ARPP21: variants seen among roughly 807,000 people sequenced by gnomAD.
The protein encoded by ARPP21 is cAMP regulated phosphoprotein 21, also known as cAMP-regulated phosphoprotein 21.
ARPP21 carries 69 observed loss-of-function variants against 113.2 expected under a neutral mutation model. The ratio of observed to expected loss-of-function variants is 0.61; its 90% CI spans 0.50 to 0.74. The LOEUF (loss-of-function observed/expected upper bound fraction) is 0.74. Among genes scored for constraint, ARPP21 ranks in the 30% least tolerant of loss-of-function variants. ARPP21 has a pLI of 0.00. For missense variants in ARPP21, 1,070 were observed against 1,037.4 expected (o/e 1.03, Z -0.43); for synonymous variants, 368 against 375.5 (o/e 0.98, Z 0.23).
chr3:35,786,278 C>T (rs1412572470), intron 19 of ARPP21, among the ~76,000 whole-genome samples: 3 of 152,094 alleles, frequency 2.0e-5, no homozygotes, highest in African/African-American at 7.2e-5. Context: ...AATCCCGGCA[C>T]TTTGGGAGGC....
chr3:35,719,953 G>A (rs1350899900), intron 13 of ARPP21, among the ~76,000 whole-genome samples: 1 of 152,136 alleles, frequency 6.6e-6, no homozygotes, highest in Non-Finnish European at 1.5e-5. Flanking sequence ...AATCAGAAAT[G>A]GAATAGCAAG....
intron 19 of ARPP21, among the ~76,000 whole-genome samples, chr3:35,767,997 A>T (rs2096047573): frequency 6.6e-6 from 1 of 151,554 alleles, no homozygotes; most frequent in South Asian, 2.1e-4. Flanking sequence ...CTCTATCAAC[A>T]ACTTCCTTGC....
At chr3:35,687,114 T>G (rs2080852309) in intron 5 of ARPP21, among the ~76,000 whole-genome samples, 1 of 151,272 alleles carries the variant, frequency 6.6e-6, no homozygotes, top group South Asian at 2.1e-4. Flanking sequence ...TTGTAACTAT[T>G]CATTATAATG....
rs2085903615 is a variant in ARPP21 at position 35,700,409 on chromosome 3, G to T, written c.687-6565G>T. Among the ~76,000 whole-genome samples, 3 of 151,620 alleles carry T rather than the reference G, an allele frequency of 2.0e-5. No individual in the cohort carries two copies. The South Asian group carries it at 6.2e-4, about 31-fold the overall frequency. On this transcript the variant is annotated intron_variant, in intron 9 of 20. Coordinates refer to ENST00000684406, the MANE Select transcript of ARPP21 (RefSeq NM_001385562.1). ...AAGAAATTAGGTTATGTATTAAAAT[G>T]CAATGGTTGTTTTAAGGGAGTGGAG...
chr3:35,760,026 A>G (rs2095710329), intron 19 of ARPP21, among the ~76,000 whole-genome samples: 1 of 152,072 alleles, frequency 6.6e-6, no homozygotes, highest in Admixed American at 6.6e-5. Flanking sequence ...GAATTGCAGT[A>G]TACCTTCAGG....
intron 1 of ARPP21, among the ~76,000 whole-genome samples, chr3:35,668,610 C>T (rs893082829): frequency 2.0e-5 from 3 of 152,154 alleles, no homozygotes; most frequent in Non-Finnish European, 2.9e-5. Flanking sequence ...TGGGATCTGC[C>T]GTTTTTACAT....
chr3:35,667,830 C>A (rs2074789901), intron 1 of ARPP21, among the ~76,000 whole-genome samples: 1 of 88,362 alleles, frequency 1.1e-5, no homozygotes, highest in Non-Finnish European at 2.2e-5. Flanking sequence ...ACCTGCAGTA[C>A]TTTTATTCTC....
At chr3:35,662,928 T>A (rs1015797146) in intron 1 of ARPP21, among the ~76,000 whole-genome samples, 1 of 151,922 alleles carries the variant, frequency 6.6e-6, no homozygotes, top group Admixed American at 6.6e-5. Flanking sequence ...GTGAGTGGCA[T>A]AGGGAAGAAA....
At chr3:35,761,223 ACTGT>A (rs2095763015) in intron 19 of ARPP21, among the ~76,000 whole-genome samples, 2 of 152,110 alleles carry the variant, frequency 1.3e-5, no homozygotes, top group South Asian at 2.1e-4. Flanking sequence ...TGTCAGGAAC[ACTGT>A]CTAATACAGC....
chr3:35,662,038 G>A (rs1708072449), intron 1 of ARPP21, among the ~76,000 whole-genome samples: 1 of 152,110 alleles, frequency 6.6e-6, no homozygotes, highest in South Asian at 2.1e-4. Flanking sequence ...TTGGATTTGA[G>A]ATTAGAGAAT....
chr3:35,670,121 A>G (rs2075955680), intron 1 of ARPP21, among the ~76,000 whole-genome samples: 1 of 152,122 alleles, frequency 6.6e-6, no homozygotes, highest in Non-Finnish European at 1.5e-5. Context: ...ATTCACAGAG[A>G]TTATACCAGC....
In ARPP21 at chr3:35,760,865, C is replaced by T. The variant is rs560428940; in HGVS notation, c.2137+16900C>T. On this transcript the variant is annotated intron_variant, in intron 19 of 20. Coordinates refer to ENST00000684406, the MANE Select transcript of ARPP21 (RefSeq NM_001385562.1). ...GGTGAATGGGCTTATAAAAAAAATG[C>T]AGATAAATGGATCTTCCTGAATTTC... 2.0e-5 allele frequency among the ~76,000 whole-genome samples: 3 copies of T among 152,116 alleles called. No individual in the cohort carries two copies. In the South Asian group the frequency reaches 6.2e-4, roughly 32 times the overall value.
At chr3:35,653,845 T>C (rs896513093) in intron 1 of ARPP21, among the ~76,000 whole-genome samples, 4 of 152,082 alleles carry the variant, frequency 2.6e-5, no homozygotes, top group Admixed American at 2.6e-4. Context: ...AATATTTGTT[T>C]TGAAAATACT....
chr3:35,706,712 G>A (rs1039799861), intron 9 of ARPP21, among the ~76,000 whole-genome samples: 1 of 152,164 alleles, frequency 6.6e-6, no homozygotes, highest in African/African-American at 2.4e-5. Flanking sequence ...ATATATACAG[G>A]CAGGCCTTTA....
intron 1 of ARPP21, among the ~76,000 whole-genome samples, chr3:35,651,199 G>A (rs542345645): frequency 1.7e-4 from 26 of 152,004 alleles, no homozygotes; most frequent in Non-Finnish European, 3.5e-4. Flanking sequence ...TAAAGAAAAA[G>A]ATGCATTATT....
intron 1 of ARPP21, among the ~76,000 whole-genome samples, chr3:35,668,069 G>A (rs576770097): frequency 6.6e-6 from 1 of 151,678 alleles, no homozygotes; most frequent in African/African-American, 2.4e-5. Context: ...TAAAGTAAGT[G>A]AGAACACAAA....
chr3:35,672,529 T>C (rs1007875898), intron 1 of ARPP21, among the ~76,000 whole-genome samples: 3 of 152,104 alleles, frequency 2.0e-5, no homozygotes, highest in African/African-American at 4.8e-5. Flanking sequence ...ACATAGCCAT[T>C]ACTGATTAGA....
chr3:35,685,436 G>T (rs548245583), intron 5 of ARPP21: 1 of 984,358 alleles, frequency 1.0e-6, no homozygotes, highest in African/African-American at 1.8e-5. Flanking sequence ...GCAAGTGGCC[G>T]TGCTACCTTT....
At chr3:35,660,596 A>G (rs17033647) in intron 1 of ARPP21, among the ~76,000 whole-genome samples, 8,236 of 152,260 alleles carry the variant, frequency 0.054, 743 homozygotes, top group African/African-American at 0.19. Context: ...GACAGAGGAA[A>G]GTTGCTTCTA....
Sources: gnomAD v4.1 joint callset for allele counts (sites outside exome capture counted in the v4.1 genomes callset) on GRCh38, gnomAD v4.1.1 for gene constraint, MANE v1.5 for transcripts, NCBI Gene and HGNC (gene_info 2026-07-23, HGNC 2026-07-21) for gene names.